Variants in MYH14 observed in about 807,000 individuals in gnomAD.
MYH14 encodes myosin-14.
Under a neutral mutation model 255.5 loss-of-function variants are expected in MYH14, and 123 were observed. The observed-to-expected ratio is 0.48, with a 90% CI of 0.42 to 0.56. MYH14 has a LOEUF of 0.56. Among genes scored for constraint, MYH14 ranks in the 20% least tolerant of loss-of-function variants. The probability of loss-of-function intolerance (pLI) is 0.00; values close to 1 mark genes in which losing one functional copy is unlikely to be tolerated. For synonymous variants in MYH14, 1,095 were observed against 1,161.2 expected (o/e 0.94, Z 1.16); for missense variants, 2,423 against 2,802.3 (o/e 0.86, Z 3.06).
chr19:50,298,290 A>G (rs1324316452), intron 39 of MYH14, among the ~76,000 whole-genome samples: 1 of 152,064 alleles, frequency 6.6e-6, no homozygotes, highest in East Asian at 1.9e-4. Context: ...CAGGTGAAAG[A>G]GGGGGCAGGA....
chr19:50,309,093 G>A lies in MYH14; in HGVS notation c.5876G>A (p.Arg1959Gln), dbSNP rs200878464. 323 of 1,613,892 alleles carry A rather than the reference G, an allele frequency of 2.0e-4. No homozygotes were observed. The highest frequency in any genetic ancestry group is 2.6e-4 in the Non-Finnish European group (309 of 1,179,824). ...GCATCCCGGGCTCAGGCCGGCCGCC[G>A]GAGGCTGCAGCGTGAGCTGGAAGAT... is the stretch of plus-strand genomic sequence containing the variant. ...EEASRAQAGR[R>Q]RLQRELEDVT... is the part of the protein sequence containing the mutation. The change falls in exon 42 of 43, where the codon CGG (arginine) becomes CAG (glutamine). Residue 1959 changes from arginine to glutamine, a missense_variant. By Grantham distance (43) the Arg-to-Gln change is conservative. Coordinates refer to ENST00000642316, the MANE Select transcript of MYH14 (RefSeq NM_001145809.2).
intron 5 of MYH14, among the ~76,000 whole-genome samples, 153 bp from the exon 6 acceptor site, chr19:50,224,001 C>A (rs972587066): frequency 6.6e-6 from 1 of 152,210 alleles, no homozygotes; most frequent in African/African-American, 2.4e-5. Flanking sequence ...GAGTGTGGTC[C>A]TCCAGGCCAC....
At chr19:50,291,604 C>T (rs1008208065) in intron 36 of MYH14, among the ~76,000 whole-genome samples, 3 of 152,196 alleles carry the variant, frequency 2.0e-5, no homozygotes, top group African/African-American at 4.8e-5. Context: ...GTGGCTCACA[C>T]CTGTAATCCC....
Position 50,271,687 on chromosome 19 carries a change from A to G in MYH14, c.3171+141A>G. 4.1e-6 allele frequency: 6 copies of G among 1,459,938 alleles called. No homozygotes were observed. The South Asian group carries it at 6.6e-5, about 16-fold the overall frequency. The allele number at this position is 1,459,938 out of a possible 1,614,324, so 90.4% of individuals were successfully genotyped here. On this transcript the variant is annotated intron_variant, in intron 25 of 42. Coordinates refer to ENST00000642316, the MANE Select transcript of MYH14 (RefSeq NM_001145809.2). ...GGGGGTGGGATGGGTCTATAGCCCC[A>G]AGGGAATGGGAAGGAGAGGGAGGTG...
chr19:50,272,738 G>C lies in MYH14; in HGVS notation c.3467+7G>C. 6.5e-7 allele frequency: 1 copy of C among 1,549,614 alleles called. No homozygotes were observed. Among genetic ancestry groups the C allele is most frequent in the Non-Finnish European group, 8.7e-7 (1 of 1,146,954 alleles). ...TGCAGGCTGCCCTGGCCAGGTGCAG[G>C]GTGGGGTGGGCTTGGTGGGGTAAGC... On this transcript the variant is annotated splice_region_variant and intron_variant, in intron 27 of 42. Coordinates refer to ENST00000642316, the MANE Select transcript of MYH14 (RefSeq NM_001145809.2).
In MYH14 at chr19:50,302,340, G is replaced by A. The variant is rs574979057; in HGVS notation, c.5678+471G>A. ...CTCACACCTGTAATCCCAGCACTTT[G>A]GGAGGCCAAGGCGGGCAGATCATTT... On this transcript the variant is annotated intron_variant, in intron 40 of 42. Transcript: ENST00000642316. 6.6e-5 allele frequency among the ~76,000 whole-genome samples: 10 copies of A among 150,656 alleles called. No individual in the cohort carries two copies. The South Asian group carries it at 2.1e-3, about 31-fold the overall frequency.
chr19:50,268,298 C>G lies in MYH14; in HGVS notation c.2964C>G (p.Arg988=). Residue 988 remains arginine, a synonymous_variant, in exon 24 of 43, where the codon CGC becomes CGG. Coordinates refer to ENST00000642316, the MANE Select transcript of MYH14 (RefSeq NM_001145809.2). ...TGGTGGTGTCAGAGCTGGAGGCTCG[C>G]GTGGGCGAGGAGGAGGAGTGCAGCC... ...LELVVSELEA[R]VGEEEECSRQ... is the part of the protein sequence containing the mutation. The G allele has an allele frequency of 1.3e-6, 2 of 1,588,170 alleles. No individual in the cohort carries two copies. The highest frequency in any genetic ancestry group is 2.3e-5 in the South Asian group (2 of 86,642).
chr19:50,244,352 C>T lies in MYH14; in HGVS notation c.1210+15C>T. On this transcript the variant is annotated intron_variant, in intron 11 of 42. Transcript: ENST00000642316. ...TGACAACACAGGTACTGCCCCCGGC[C>T]TGCCTGCCCACGACCTCCAGCCCCC... 1 of 1,611,274 alleles carries T rather than the reference C, an allele frequency of 6.2e-7. No individual in the cohort carries two copies. The highest frequency in any genetic ancestry group is 8.5e-7 in the Non-Finnish European group (1 of 1,178,706).
chr19:50,307,536 C>T lies in MYH14; in HGVS notation c.5787+379C>T, dbSNP rs566826930. On this transcript the variant is annotated intron_variant, in intron 41 of 42. Transcript: ENST00000642316. ...TAGAAGGAAGGTGCTATTATTTACC[C>T]TCTTATTTATGTGAGGAAACTGAGG... is the stretch of plus-strand genomic sequence containing the variant. Among the ~76,000 whole-genome samples, 6 of 152,186 alleles carry T rather than the reference C, an allele frequency of 3.9e-5. No individual in the cohort carries two copies. The South Asian group carries it at 1.2e-3, about 32-fold the overall frequency.
chr19:50,286,446 C>T, intron 33 of MYH14, 36 bp from the exon 34 acceptor site: 2 of 1,582,002 alleles, frequency 1.3e-6, no homozygotes, highest in Non-Finnish European at 1.7e-6. Context: ...TTCAGCTAAT[C>T]TATTTCCCCC....
intron 3 of MYH14, among the ~76,000 whole-genome samples, chr19:50,220,337 T>C (rs972889487): frequency 1.3e-5 from 2 of 150,042 alleles, no homozygotes; most frequent in African/African-American, 4.9e-5. Context: ...TTAATATGCA[T>C]ATTCAATAAG....
intron 1 of MYH14, chr19:50,205,322 C>A: frequency 6.5e-6 from 1 of 154,482 alleles, no homozygotes; most frequent in South Asian, 1.8e-4. Context: ...CGCCGCCGCC[C>A]ACCTGGCAAC....
intron 40 of MYH14, among the ~76,000 whole-genome samples, chr19:50,304,522 G>A (rs951513801): frequency 6.6e-6 from 1 of 151,388 alleles, no homozygotes; most frequent in Non-Finnish European, 1.5e-5. Context: ...CCTGGGAAGT[G>A]GAGGTTGCAG....
intron 39 of MYH14, among the ~76,000 whole-genome samples, chr19:50,296,168 C>T (rs890960824): frequency 2.6e-5 from 4 of 151,920 alleles, no homozygotes; most frequent in Non-Finnish European, 5.9e-5. Flanking sequence ...CTCAATTTGA[C>T]TTCATCATAT....
At chr19:50,304,301 C>A (rs1407000623) in intron 40 of MYH14, among the ~76,000 whole-genome samples, 2 of 152,268 alleles carry the variant, frequency 1.3e-5, no homozygotes, top group South Asian at 4.1e-4. Context: ...TAAGAGTGTA[C>A]TGTTGGGGCC....
chr19:50,231,532 A>AC (rs2033386299), intron 9 of MYH14, among the ~76,000 whole-genome samples: 3 of 151,776 alleles, frequency 2.0e-5, no homozygotes, highest in Admixed American at 2.0e-4. Flanking sequence ...GCATAGTGAG[A>AC]CCCCCATCTC....
intron 27 of MYH14, among the ~76,000 whole-genome samples, chr19:50,274,932 CAAAA>C (rs1206238409): frequency 3.5e-5 from 4 of 115,766 alleles, no homozygotes; most frequent in Non-Finnish European, 5.4e-5. Flanking sequence ...CCCTCTCTCT[CAAAA>C]AAAAAAAAAA....
Position 50,286,583 on chromosome 19 carries a change from A to G in MYH14, c.4641A>G (p.Thr1547=). 6.2e-7 allele frequency: 1 copy of G among 1,609,084 alleles called. No individual in the cohort carries two copies. Among genetic ancestry groups the G allele is most frequent in the Non-Finnish European group, 8.5e-7 (1 of 1,178,064 alleles). ...GTGAGGCTCGGGCCCTGTCACTGAC[A>G]CGGGCACTGGAGGAGGAGCAGGAGG... ...REREARALSL[T]RALEEEQEAR... The change falls in exon 34 of 43, where the codon ACA becomes ACG. Residue 1547 remains threonine, a synonymous_variant. Transcript: ENST00000642316.
Position 50,249,704 on chromosome 19 carries a change from C to T in MYH14, c.1537C>T (p.Leu513Phe), listed in dbSNP as rs1186768509. The T allele has an allele frequency of 1.9e-6, 3 of 1,614,136 alleles. No individual in the cohort carries two copies. Among genetic ancestry groups the T allele is most frequent in the Non-Finnish European group, 8.5e-7 (1 of 1,180,064 alleles). ...INYTNEKLQQ[L>F]FNHTMFVLEQ... ...CTACACCAACGAGAAGCTGCAGCAGCTCTTCAACCACACCATGTTCGTGCT... is the reference window on the plus strand; with the variant it reads ...CTACACCAACGAGAAGCTGCAGCAGTTCTTCAACCACACCATGTTCGTGCT... Residue 513 changes from leucine to phenylalanine, a missense_variant, in exon 14 of 43, where the codon CTC becomes TTC. Coordinates refer to ENST00000642316, the MANE Select transcript of MYH14 (RefSeq NM_001145809.2).
Sources: allele counts gnomAD v4.1 joint callset (sites outside exome capture counted in the v4.1 genomes callset), GRCh38; gene constraint gnomAD v4.1.1; transcripts MANE v1.5; gene names NCBI Gene and HGNC (gene_info 2026-07-23, HGNC 2026-07-21).